Variants in DSCAM observed in about 807,000 individuals in gnomAD.
DSCAM encodes cell adhesion molecule DSCAM.
DSCAM carries 47 observed loss-of-function variants against 217.7 expected under a neutral mutation model. That is an observed-to-expected ratio of 0.22 (90% CI 0.17 to 0.28). The LOEUF (loss-of-function observed/expected upper bound fraction) is 0.28. Among genes scored for constraint, DSCAM ranks in the 10% least tolerant of loss-of-function variants. The pLI, the probability that DSCAM is intolerant of heterozygous loss-of-function variation, is 1.00. For missense variants in DSCAM, 2,080 were observed against 2,618.3 expected, an observed-to-expected ratio of 0.79 and a Z score of 4.49; for synonymous variants, 1,056 against 1,015.3, an observed-to-expected ratio of 1.04 and a Z score of -0.76.
At chr21:40,208,611 C>G (rs978032262) in intron 11 of DSCAM, among the ~76,000 whole-genome samples, 1 of 152,194 alleles carries the variant, frequency 6.6e-6, no homozygotes, top group Non-Finnish European at 1.5e-5. Context: ...GGAGTTCTTA[C>G]TCACCAGGAA....
At chr21:40,324,674 G>T (rs961268287) in intron 8 of DSCAM, among the ~76,000 whole-genome samples, 1 of 152,118 alleles carries the variant, frequency 6.6e-6, no homozygotes. Flanking sequence ...AGTCACCATG[G>T]TCTGAGCAGG....
chr21:40,824,402 G>GCTTTTTTTTTTT (rs2091951995), intron 1 of DSCAM, among the ~76,000 whole-genome samples: 1 of 116,226 alleles, frequency 8.6e-6, no homozygotes, highest in Non-Finnish European at 1.7e-5. Flanking sequence ...TTTTATTATT[G>GCTTTTTTTTTTT]ATTTTTTTTT....
intron 32 of DSCAM, among the ~76,000 whole-genome samples, chr21:40,017,955 T>C (rs535652050): frequency 6.6e-6 from 1 of 152,366 alleles, no homozygotes; most frequent in African/African-American, 2.4e-5. Flanking sequence ...TATAATGGCA[T>C]GAGGCCTACC....
intron 24 of DSCAM, among the ~76,000 whole-genome samples, chr21:40,080,970 A>G (rs2089447200): frequency 6.6e-6 from 1 of 152,138 alleles, no homozygotes; most frequent in Non-Finnish European, 1.5e-5. Flanking sequence ...ACTCTAGAGC[A>G]CTCACTCCAT....
intron 3 of DSCAM, among the ~76,000 whole-genome samples, chr21:40,561,904 T>G (rs918879888): frequency 6.6e-6 from 1 of 152,198 alleles, no homozygotes; most frequent in Non-Finnish European, 1.5e-5. Flanking sequence ...TAAAATAACA[T>G]CTGGGCATAC....
chr21:40,391,369 G>C (rs895972720), intron 3 of DSCAM, among the ~76,000 whole-genome samples: 1 of 152,170 alleles, frequency 6.6e-6, no homozygotes, highest in Non-Finnish European at 1.5e-5. Context: ...CCCACCTGCT[G>C]TTTGAAATAA....
intron 3 of DSCAM, among the ~76,000 whole-genome samples, chr21:40,404,178 A>G (rs1009408014): frequency 2.6e-5 from 4 of 152,184 alleles, no homozygotes; most frequent in South Asian, 2.1e-4. Context: ...AATTGCCTCA[A>G]TAAAGGTTAA....
At chr21:40,616,215 T>C (rs1405369921) in intron 3 of DSCAM, among the ~76,000 whole-genome samples, 1 of 152,204 alleles carries the variant, frequency 6.6e-6, no homozygotes, top group Non-Finnish European at 1.5e-5. Context: ...AGGAAAGAGC[T>C]AGCTGCCTGA....
chr21:40,247,344 C>G (rs1422179764), intron 11 of DSCAM, among the ~76,000 whole-genome samples: 2 of 152,176 alleles, frequency 1.3e-5, no homozygotes, highest in African/African-American at 2.4e-5. Flanking sequence ...AGTCCAAAGT[C>G]TCATCTGAGA....
rs1601510083 is a variant in DSCAM at position 40,276,937 on chromosome 21, G to GTATGATTCATATGAAGGATT, written c.2183-687_2183-668dup. ...ATGATATGCTATTATAATGAATGTG[G>GTATGATTCATATGAAGGATT]TATGATTCATATGAAGGATTTATAT... On this transcript the variant is annotated intron_variant, in intron 10 of 32. Transcript: ENST00000400454. Among the ~76,000 whole-genome samples, 3 of 151,884 alleles carry GTATGATTCATATGAAGGATT rather than the reference G, an allele frequency of 2.0e-5. No individual in the cohort carries two copies. In the East Asian group the frequency reaches 5.8e-4, roughly 29 times the overall value.
intron 1 of DSCAM, among the ~76,000 whole-genome samples, chr21:40,714,269 G>A (rs1016697434): frequency 5.9e-5 from 9 of 152,132 alleles, no homozygotes; most frequent in Admixed American, 4.6e-4. Context: ...CGGAAGTGGG[G>A]CTGGCCCTGA....
chr21:40,789,812 C>T (rs2091624872), intron 1 of DSCAM, among the ~76,000 whole-genome samples: 1 of 152,152 alleles, frequency 6.6e-6, no homozygotes, highest in South Asian at 2.1e-4. Context: ...GCCTCGGCCT[C>T]CCAAAGTGCT....
chr21:40,253,469 T>C (rs765331284), intron 11 of DSCAM, among the ~76,000 whole-genome samples: 88 of 152,152 alleles, frequency 5.8e-4, no homozygotes, highest in Non-Finnish European at 1.1e-3. Context: ...ACTTCTGCAG[T>C]ACCTGAGTTT....
At chr21:40,069,701 G>T (rs990688290) in intron 27 of DSCAM, among the ~76,000 whole-genome samples, 1 of 152,052 alleles carries the variant, frequency 6.6e-6, no homozygotes, top group Non-Finnish European at 1.5e-5. Context: ...CCATCAAAAG[G>T]TTTTATTTGC....
At chr21:40,444,160 C>T (rs1252898366) in intron 3 of DSCAM, among the ~76,000 whole-genome samples, 1 of 152,102 alleles carries the variant, frequency 6.6e-6, no homozygotes, top group Non-Finnish European at 1.5e-5. Context: ...GGATTCATAA[C>T]TAAAACTGGA....
At chr21:40,015,715 A>G (rs2996054) in intron 32 of DSCAM, among the ~76,000 whole-genome samples, 98,203 of 152,048 alleles carry the variant, frequency 0.65, 32,104 homozygotes, top group Middle Eastern at 0.74. Context: ...GGGATTACAG[A>G]CATGAGCCAC....
intron 3 of DSCAM, among the ~76,000 whole-genome samples, chr21:40,627,349 T>C (rs2089615371): frequency 1.3e-5 from 2 of 152,212 alleles, no homozygotes; most frequent in Non-Finnish European, 2.9e-5. Flanking sequence ...CAAGAAAAGC[T>C]GTCAACTCTA....
At chr21:40,528,282 G>T (rs1447417793) in intron 3 of DSCAM, among the ~76,000 whole-genome samples, 1 of 152,112 alleles carries the variant, frequency 6.6e-6, no homozygotes, top group Non-Finnish European at 1.5e-5. Flanking sequence ...GAGACACAAA[G>T]CGAGATTCAT....
intron 3 of DSCAM, among the ~76,000 whole-genome samples, chr21:40,634,814 T>A (rs2146325246): frequency 6.6e-6 from 1 of 152,294 alleles, no homozygotes; most frequent in South Asian, 2.1e-4. Context: ...TGCACCCACG[T>A]CCACCTCTCA....
Sources: allele counts gnomAD v4.1 joint callset (sites outside exome capture counted in the v4.1 genomes callset), GRCh38; gene constraint gnomAD v4.1.1; transcripts MANE v1.5; gene names NCBI Gene and HGNC (gene_info 2026-07-23, HGNC 2026-07-21).